The following CARM1 variants were observed in gnomAD, a reference collection of about 807,000 sequenced individuals.
The protein encoded by CARM1 is coactivator associated arginine methyltransferase 1, also known as histone-arginine methyltransferase CARM1.
A neutral mutation model predicts 72.7 loss-of-function variants in CARM1; 14 were observed. The observed-to-expected ratio is 0.19, with a 90% CI of 0.13 to 0.30. The LOEUF is 0.30. Among genes scored for constraint, CARM1 ranks in the 10% least tolerant of loss-of-function variants. CARM1 has a pLI of 1.00. For synonymous variants in CARM1, 333 were observed against 345.5 expected, an observed-to-expected ratio of 0.96 and a Z score of 0.40; for missense variants, 432 against 833.7, an observed-to-expected ratio of 0.52 and a Z score of 5.93.
chr19:10,920,241 G>A lies in CARM1; in HGVS notation c.1197-195G>A, dbSNP rs1177291599. 6.6e-6 allele frequency among the ~76,000 whole-genome samples: 1 copy of A among 151,952 alleles called. No homozygotes were observed. Among genetic ancestry groups the A allele is most frequent in the Non-Finnish European group, 1.5e-5 (1 of 67,976 alleles). ...GGTGAGTAGGGATCTCGTGGTTGCG[G>A]GCCCCTCGTGTGTACATGTATGCCT... On this transcript the variant is annotated intron_variant, in intron 10 of 15. Transcript: ENST00000327064. The surrounding 1 kb of genome is among the most constrained non-coding windows in gnomAD (Gnocchi z 5.3).
At chr19:10,885,386 C>G (rs2099563502) in intron 1 of CARM1, among the ~76,000 whole-genome samples, 1 of 152,174 alleles carries the variant, frequency 6.6e-6, no homozygotes, top group Admixed American at 6.5e-5. Flanking sequence ...AGGTCTTTCT[C>G]CCGCTAATTG....
At chr19:10,877,247 AGCGGTGCCT>A (rs753985561) in intron 1 of CARM1, among the ~76,000 whole-genome samples, 5 of 152,158 alleles carry the variant, frequency 3.3e-5, no homozygotes, top group African/African-American at 4.8e-5. Flanking sequence ...TTTGTGTTTC[AGCGGTGCCT>A]GCGTGTGGCT....
At chr19:10,901,505 G>A (rs1157524505) in intron 1 of CARM1, among the ~76,000 whole-genome samples, 4 of 151,206 alleles carry the variant, frequency 2.6e-5, no homozygotes, top group African/African-American at 7.3e-5. Flanking sequence ...TTTTTGTAGC[G>A]ATAGAGATGG....
chr19:10,877,762 C>G (rs966674420), intron 1 of CARM1, among the ~76,000 whole-genome samples: 6 of 150,238 alleles, frequency 4.0e-5, no homozygotes, highest in Admixed American at 2.0e-4. Flanking sequence ...GAATCTCGCT[C>G]TGTTGCCCAG....
chr19:10,921,565 G>C, intron 15 of CARM1, 50 bp from the exon 16 acceptor site: 1 of 1,580,220 alleles, frequency 6.3e-7, no homozygotes, highest in Non-Finnish European at 8.6e-7. Flanking sequence ...ACTCTGCCTG[G>C]GGGCTGGGCG....
In CARM1 at chr19:10,920,789, C is replaced by T. The variant is rs2074237157; in HGVS notation, c.1424+41C>T. On this transcript the variant is annotated intron_variant, in intron 12 of 15. Coordinates refer to ENST00000327064, the MANE Select transcript of CARM1 (RefSeq NM_199141.2). This position sits in a 1 kb window ranked among gnomAD's most constrained non-coding sequence, Gnocchi z 5.3. ...TGCCTGCACAGGGGGGCGCCCCGGC[C>T]CTGCAACCCCCTTGCCCCTGCCCAT... 2 of 1,613,364 alleles carry T rather than the reference C, an allele frequency of 1.2e-6. No homozygotes were observed. The highest frequency in any genetic ancestry group is 2.7e-5 in the African/African-American group (2 of 75,040).
At chr19:10,899,219 G>T (rs2074046236) in intron 1 of CARM1, among the ~76,000 whole-genome samples, 1 of 152,208 alleles carries the variant, frequency 6.6e-6, no homozygotes, top group African/African-American at 2.4e-5. Context: ...CCCAGCCCTA[G>T]CCCTGGCTGG....
rs532073170 is a variant in CARM1 at position 10,872,468 on chromosome 19, G to C, written c.220+546G>C. Among the ~76,000 whole-genome samples the C allele has an allele frequency of 2.9e-3, 434 of 152,266 alleles. 1 individual carries two copies. Among genetic ancestry groups the C allele is most frequent in the African/African-American group, 9.5e-3 (396 of 41,544 alleles). ...ACCGCTGTGCGAGGTGTGGCGTTCA[G>C]GACCCCCGAATGGGAAACTTCAGGA... On this transcript the variant is annotated intron_variant, in intron 1 of 15. Coordinates refer to ENST00000327064, the MANE Select transcript of CARM1 (RefSeq NM_199141.2).
In CARM1 at chr19:10,912,323, C is replaced by T. The variant is rs766715884; in HGVS notation, c.669+29C>T. ...AGTGGCCCGCTGGTGCCCACCCAGC[C>T]TCGTCCTCGCCCATGAGTGCCATGC... On this transcript the variant is annotated intron_variant, in intron 5 of 15. Coordinates refer to ENST00000327064, the MANE Select transcript of CARM1 (RefSeq NM_199141.2). The surrounding 1 kb of genome is among the most constrained non-coding windows in gnomAD (Gnocchi z 4.5). The T allele has an allele frequency of 2.0e-6, 3 of 1,532,662 alleles. No homozygotes were observed. The highest frequency in any genetic ancestry group is 2.2e-5 in the South Asian group (2 of 89,538). The allele number at this position is 1,532,662 out of a possible 1,614,324, so 94.9% of individuals were successfully genotyped here.
intron 1 of CARM1, among the ~76,000 whole-genome samples, chr19:10,891,400 G>C (rs80322733): frequency 0.033 from 4,958 of 152,280 alleles, 125 homozygotes; most frequent in Middle Eastern, 0.071. Flanking sequence ...GGCCTCCCTT[G>C]CTGGAATGCA....
intron 1 of CARM1, among the ~76,000 whole-genome samples, chr19:10,902,379 C>T (rs1246478891): frequency 6.7e-6 from 1 of 150,362 alleles, no homozygotes; most frequent in Non-Finnish European, 1.5e-5. Flanking sequence ...CTGCAAGCTC[C>T]ACCTCCCGGG....
intron 1 of CARM1, among the ~76,000 whole-genome samples, chr19:10,891,489 G>T (rs1885165457): frequency 6.6e-6 from 1 of 152,130 alleles, no homozygotes; most frequent in South Asian, 2.1e-4. Context: ...TGGGTGCAGG[G>T]CTTGTTCTGG....
intron 1 of CARM1, among the ~76,000 whole-genome samples, chr19:10,877,622 A>T (rs978149774): frequency 6.6e-6 from 1 of 151,854 alleles, no homozygotes. Flanking sequence ...GGGTTTCACC[A>T]TCTTGGCCAG....
intron 3 of CARM1, among the ~76,000 whole-genome samples, 192 bp downstream of exon 3, chr19:10,908,337 A>C (rs2074120362): frequency 6.6e-6 from 1 of 152,086 alleles, no homozygotes; most frequent in Non-Finnish European, 1.5e-5. Context: ...TGAAGCGGAG[A>C]TGCAGGTGCC....
chr19:10,901,723 C>G lies in CARM1; in HGVS notation c.221-3228C>G, dbSNP rs145079918. Among the ~76,000 whole-genome samples, 1,146 of 152,310 alleles carry G rather than the reference C, an allele frequency of 7.5e-3. 9 individuals are homozygous for G. The highest frequency in any genetic ancestry group is 0.013 in the Non-Finnish European group (858 of 68,022). The stretch of plus-strand genomic sequence containing the variant: ...TTGAGATGCCGAGGCGGACAGATCA[C>G]ACGAGGCTAGGACTTCAAAACCAGC... On this transcript the variant is annotated intron_variant, in intron 1 of 15. Transcript: ENST00000327064.
intron 2 of CARM1, among the ~76,000 whole-genome samples, chr19:10,906,270 C>T (rs1056992056): frequency 1.6e-4 from 25 of 151,924 alleles, no homozygotes; most frequent in Non-Finnish European, 2.8e-4. Flanking sequence ...ACTCTTAAGA[C>T]TATTTGTATT....
rs1049956025 is a variant in CARM1 at position 10,915,712 on chromosome 19, G to A, written c.848-695G>A. ...CTCCCCCAGCTTGCAAGGCTGGGGG[G>A]CCCACATCTGGAGGCCAGGTGCTCC... On this transcript the variant is annotated intron_variant, in intron 6 of 15. Coordinates refer to ENST00000327064, the MANE Select transcript of CARM1 (RefSeq NM_199141.2). The surrounding 1 kb of genome is among the most constrained non-coding windows in gnomAD (Gnocchi z 4.6). 5.9e-5 allele frequency among the ~76,000 whole-genome samples: 9 copies of A among 152,096 alleles called. No homozygotes were observed. The highest frequency in any genetic ancestry group is 2.2e-4 in the African/African-American group (9 of 41,432).
chr19:10,884,926 A>C (rs755010829), intron 1 of CARM1, among the ~76,000 whole-genome samples: 23 of 152,152 alleles, frequency 1.5e-4, no homozygotes, highest in Non-Finnish European at 3.4e-4. Flanking sequence ...GGTTGGTCTC[A>C]AACTCCTGAC....
chr19:10,919,764 G>T, intron 9 of CARM1, 84 bp downstream of exon 9: 1 of 1,505,020 alleles, frequency 6.6e-7, no homozygotes, highest in Non-Finnish European at 9.2e-7. Flanking sequence ...GCATCCTGCC[G>T]TCCCAGGGCA....
Sources: allele counts gnomAD v4.1 joint callset (sites outside exome capture counted in the v4.1 genomes callset), GRCh38; gene constraint gnomAD v4.1.1; non-coding constraint Gnocchi (gnomAD v3.1); transcripts MANE v1.5; gene names NCBI Gene and HGNC (gene_info 2026-07-23, HGNC 2026-07-21).